Variants in STKLD1 observed in about 807,000 individuals in gnomAD.
STKLD1 encodes serine/threonine kinase like domain containing 1.
Under a neutral mutation model 80.4 loss-of-function variants are expected in STKLD1, and 79 were observed. The observed-to-expected ratio is 0.98, with a 90% confidence interval of 0.82 to 1.19. The LOEUF (loss-of-function observed/expected upper bound fraction) is 1.19. Ranked by LOEUF, STKLD1 falls within the 50% of genes most tolerant of loss-of-function variation. The probability of loss-of-function intolerance (pLI) is 0.00; values close to 1 mark genes in which losing one functional copy is unlikely to be tolerated. For synonymous variants in STKLD1, 393 were observed against 357.6 expected (o/e 1.10, Z -1.12); for missense variants, 841 against 856.0 (o/e 0.98, Z 0.22).
intron 1 of STKLD1, among the ~76,000 whole-genome samples, chr9:133,378,608 T>C (rs964534523): frequency 6.6e-6 from 1 of 152,270 alleles, no homozygotes; most frequent in Non-Finnish European, 1.5e-5. Flanking sequence ...CTTGGCACCA[T>C]GCCAGGCACA....
chr9:133,383,033 GGT>G (rs1232719420), intron 2 of STKLD1, among the ~76,000 whole-genome samples: 1 of 151,152 alleles, frequency 6.6e-6, no homozygotes, highest in Non-Finnish European at 1.5e-5. Context: ...TGATGAGGTT[GGT>G]GATGATGGGG....
chr9:133,404,957 C>G, intron 17 of STKLD1, 28 bp downstream of exon 17: 1 of 1,609,708 alleles, frequency 6.2e-7, no homozygotes. Context: ...CCTCACACTC[C>G]CTAGAGCCCA....
intron 11 of STKLD1, among the ~76,000 whole-genome samples, chr9:133,399,769 C>G (rs781951110): frequency 1.3e-5 from 2 of 151,888 alleles, no homozygotes; most frequent in African/African-American, 4.8e-5. Context: ...ATCTCAGCTA[C>G]GCAGGAGGCT....
At chr9:133,377,484 G>A (rs1392703462) in intron 1 of STKLD1, among the ~76,000 whole-genome samples, 6 of 152,180 alleles carry the variant, frequency 3.9e-5, no homozygotes, top group Admixed American at 3.9e-4. Context: ...TGACCAACAT[G>A]GAGAAACTGT....
rs2130274169 is a variant in STKLD1, at chr9:133,385,256, C to G, written c.220-361C>G. Among the ~76,000 whole-genome samples the G allele has an allele frequency of 7.2e-5, 11 of 152,352 alleles. No individual in the cohort carries two copies. In the South Asian group the frequency reaches 2.3e-3, roughly 32 times the overall value. Reference sequence around the variant, plus strand: ...GGGACCTCTCCGTGTGCCCACCTCCCGGTGTCTGCACCACCTCCTCCAGCC... The same window carrying G: ...GGGACCTCTCCGTGTGCCCACCTCCGGGTGTCTGCACCACCTCCTCCAGCC... On this transcript the variant is annotated intron_variant, in intron 3 of 17. Coordinates refer to ENST00000371957, the MANE Select transcript of STKLD1 (RefSeq NM_153710.5). The surrounding 1 kb of genome is among the most constrained non-coding windows in gnomAD (Gnocchi z 4.9).
chr9:133,387,687 C>T (rs1838295357), intron 5 of STKLD1, 139 bp downstream of exon 5: 1 of 723,976 alleles, frequency 1.4e-6, no homozygotes, highest in Non-Finnish European at 2.5e-6. Context: ...TGCCTCGAGG[C>T]ATTGCACTCT....
rs369242175 is a variant in STKLD1, at chr9:133,403,844, G to A, written c.1603+16G>A. On this transcript the variant is annotated intron_variant, in intron 15 of 17. Coordinates refer to ENST00000371957, the MANE Select transcript of STKLD1 (RefSeq NM_153710.5). Reference sequence around the variant, plus strand: ...TCCCTGCTGGGTGAGCTGGGTGGGCGCCCTGGGCCCCTGGGGCTGGGAGGG... The same window carrying A: ...TCCCTGCTGGGTGAGCTGGGTGGGCACCCTGGGCCCCTGGGGCTGGGAGGG... The A allele has an allele frequency of 4.3e-5, 70 of 1,612,672 alleles. No homozygotes were observed. The highest frequency in any genetic ancestry group is 5.5e-5 in the South Asian group (5 of 91,050).
intron 5 of STKLD1, chr9:133,388,640 T>C: frequency 1.7e-6 from 1 of 600,048 alleles, no homozygotes; most frequent in South Asian, 7.4e-5. Context: ...TTAGTGCCTT[T>C]GGAGTTTAAG....
In STKLD1 at chr9:133,384,287, A is replaced by G. The variant is rs139648779; in HGVS notation, c.219+387A>G. The G allele has an allele frequency of 5.5e-6, 1 of 181,804 alleles. No homozygotes were observed. The highest frequency in any genetic ancestry group is 1.5e-4 in the East Asian group (1 of 6,710). 11.3% of individuals were successfully genotyped at this position (181,804 alleles called of 1,614,324 possible). ...AACCCTGTCTCAACCAAAAATACAA[A>G]AAAATTAGCTGGGCATGGTGGTGGG... On this transcript the variant is annotated intron_variant, in intron 3 of 17. Coordinates refer to ENST00000371957, the MANE Select transcript of STKLD1 (RefSeq NM_153710.5). The surrounding 1 kb of genome is among the most constrained non-coding windows in gnomAD (Gnocchi z 4.3).
At position 133,394,340 on chromosome 9, in the gene STKLD1, C is replaced by T. The variant is rs1554776385; in HGVS notation, c.633C>T (p.Phe211=). 2.5e-6 allele frequency: 4 copies of T among 1,613,984 alleles called. No homozygotes were observed. The highest frequency in any genetic ancestry group is 2.2e-5 in the East Asian group (1 of 44,864). Residue 211 remains phenylalanine, a synonymous_variant, in exon 8 of 18, where the codon TTC becomes TTT. Transcript: ENST00000371957. The surrounding 1 kb of genome is among the most constrained non-coding windows in gnomAD (Gnocchi z 4.9). ...WMAPEALNFS[F]SQKSDIWSLG... is the part of the protein sequence containing the mutation. ...CCCCTGAAGCCCTCAACTTCTCCTT[C>T]AGCCAGAAATCAGACATCTGGTCCC...
chr9:133,389,431 A>G lies in STKLD1; in HGVS notation c.397-95A>G. 1 of 1,535,658 alleles carries G rather than the reference A, an allele frequency of 6.5e-7. No homozygotes were observed. The highest frequency in any genetic ancestry group is 8.8e-7 in the Non-Finnish European group (1 of 1,139,994). ...GCCTGTCTCAAGATGCAAGGAGAGGATACACCACCATCCTGCTGGCTGCTC... is the reference window on the plus strand; with the variant it reads ...GCCTGTCTCAAGATGCAAGGAGAGGGTACACCACCATCCTGCTGGCTGCTC... On this transcript the variant is annotated intron_variant, in intron 5 of 17. Transcript: ENST00000371957. The surrounding 1 kb of genome is among the most constrained non-coding windows in gnomAD (Gnocchi z 6.4).
At chr9:133,378,061 G>A (rs1838041884) in intron 1 of STKLD1, among the ~76,000 whole-genome samples, 1 of 152,186 alleles carries the variant, frequency 6.6e-6, no homozygotes, top group Non-Finnish European at 1.5e-5. Context: ...GAGCTTGGGT[G>A]GTAATGCGAG....
At position 133,392,603 on chromosome 9, in the gene STKLD1, GTGGATGGA is replaced by G. The variant is rs1245671424; in HGVS notation, c.584-1658_584-1651del. Among the ~76,000 whole-genome samples the G allele has an allele frequency of 9.9e-4, 36 of 36,526 alleles. 1 individual carries two copies. The highest frequency in any genetic ancestry group is 1.6e-3 in the Non-Finnish European group (32 of 20,204). The allele number at this position is 36,526 out of a possible 152,430, so 24.0% of individuals were successfully genotyped here. A position where few individuals can be genotyped will look rare whatever the true frequency, so the allele number is the denominator to read the frequency against. On this transcript the variant is annotated intron_variant, in intron 7 of 17. Transcript: ENST00000371957. Reference sequence around the variant, plus strand: ...GATGAGTGGATGGATGGATGGATGGGTGGATGGATGGATGGATGGATGGATGGATGGAT... The same window carrying G: ...GATGAGTGGATGGATGGATGGATGGGTGGATGGATGGATGGATGGATGGAT...
At chr9:133,377,349 C>T (rs940642717) in intron 1 of STKLD1, among the ~76,000 whole-genome samples, 1 of 152,186 alleles carries the variant, frequency 6.6e-6, no homozygotes, top group African/African-American at 2.4e-5. Flanking sequence ...CCAGCTCTGC[C>T]CTCAGCCCGC....
intron 5 of STKLD1, chr9:133,388,785 G>T: frequency 2.0e-6 from 2 of 985,176 alleles, no homozygotes; most frequent in Non-Finnish European, 2.4e-6. Flanking sequence ...AACTGTGTTT[G>T]GGGGGACCAT....
chr9:133,404,996 A>C, intron 17 of STKLD1, 67 bp downstream of exon 17: 1 of 1,574,086 alleles, frequency 6.4e-7, no homozygotes, highest in Non-Finnish European at 8.6e-7. Flanking sequence ...CTCCCCCTAT[A>C]ACTGACAGGG....
Position 133,391,235 on chromosome 9 carries a change from G to T in STKLD1, c.583+439G>T, listed in dbSNP as rs1838386778. Among the ~76,000 whole-genome samples, 9 of 149,718 alleles carry T rather than the reference G, an allele frequency of 6.0e-5. No individual in the cohort carries two copies. The South Asian group carries it at 1.9e-3, about 31-fold the overall frequency. ...GACAGCCGCCCTGTCCGGGAGGGAG[G>T]TGGGGGGGTCAGCCCCCCGCCCGGC... On this transcript the variant is annotated intron_variant, in intron 7 of 17. Transcript: ENST00000371957.
chr9:133,391,406 G>T (rs1224795245), intron 7 of STKLD1, among the ~76,000 whole-genome samples: 1 of 151,488 alleles, frequency 6.6e-6, no homozygotes, highest in African/African-American at 2.4e-5. Flanking sequence ...GGCAATGGCG[G>T]TTTTGTGGAA....
chr9:133,397,155 C>G lies in STKLD1; in HGVS notation c.867-9C>G, dbSNP rs1554776826. ...CTGGGTTACTCAGCCCTCTCTGCTC[C>G]TCTGCTAGGGACGTGGTGCACATCA... On this transcript the variant is annotated splice_polypyrimidine_tract_variant and intron_variant, in intron 9 of 17. Coordinates refer to ENST00000371957, the MANE Select transcript of STKLD1 (RefSeq NM_153710.5). The G allele has an allele frequency of 6.2e-7, 1 of 1,613,624 alleles. No individual in the cohort carries two copies. Among genetic ancestry groups the G allele is most frequent in the East Asian group, 2.2e-5 (1 of 44,672 alleles).
Sources: allele counts gnomAD v4.1 joint callset (sites outside exome capture counted in the v4.1 genomes callset), GRCh38; gene constraint gnomAD v4.1.1; non-coding constraint Gnocchi (gnomAD v3.1); transcripts MANE v1.5; gene names NCBI Gene and HGNC (gene_info 2026-07-23, HGNC 2026-07-21).